DCC: variants seen among roughly 807,000 people sequenced by gnomAD.
DCC encodes the protein DCC netrin 1 receptor.
In DCC, 58 loss-of-function variants were observed where a neutral mutation model predicts 172.5. The observed-to-expected ratio is 0.34, with a 90% CI of 0.27 to 0.42. DCC has a LOEUF of 0.42. Ranked by LOEUF, DCC falls within the 10% of genes least tolerant of loss-of-function variation. The pLI is 1.00. For missense variants in DCC, 1,740 were observed against 1,791.0 expected, an observed-to-expected ratio of 0.97 and a Z score of 0.51; for synonymous variants, 709 against 644.5, an observed-to-expected ratio of 1.10 and a Z score of -1.52.
intron 27 of DCC, among the ~76,000 whole-genome samples, chr18:53,517,225 A>G (rs2046344960): frequency 6.8e-6 from 1 of 146,990 alleles, no homozygotes; most frequent in Non-Finnish European, 1.5e-5. Flanking sequence ...GCATATTCTC[A>G]CTCATAGGTG....
chr18:53,413,967 C>G (rs1361375042), intron 20 of DCC, among the ~76,000 whole-genome samples: 1 of 152,126 alleles, frequency 6.6e-6, no homozygotes. Context: ...GTATTCCTGT[C>G]CATAAGCTAC....
chr18:53,260,957 G>C (rs1016206718), intron 12 of DCC, among the ~76,000 whole-genome samples: 2 of 152,250 alleles, frequency 1.3e-5, no homozygotes, highest in African/African-American at 4.8e-5. Flanking sequence ...TCAGACTGCT[G>C]TGCTAGCAAT....
chr18:52,432,614 C>T (rs1987662359), intron 1 of DCC, among the ~76,000 whole-genome samples: 1 of 152,132 alleles, frequency 6.6e-6, no homozygotes, highest in Non-Finnish European at 1.5e-5. Flanking sequence ...CTCTCCTTTG[C>T]TTCATGTTGC....
Position 52,580,529 on chromosome 18 carries a change from A to G in DCC, c.92-171525A>G, listed in dbSNP as rs60030296. Among the ~76,000 whole-genome samples the G allele has an allele frequency of 9.5e-3, 1,441 of 152,308 alleles. 50 individuals are homozygous for G. Among genetic ancestry groups the G allele is most frequent in the East Asian group, 0.072 (371 of 5,182 alleles). Reference sequence around the variant, plus strand: ...AGTTTTACTCCCTGAATTAAGCCATAGCTGAAGCCATCTCTACTGCAGTAT... The same window carrying G: ...AGTTTTACTCCCTGAATTAAGCCATGGCTGAAGCCATCTCTACTGCAGTAT... On this transcript the variant is annotated intron_variant, in intron 1 of 28. Transcript: ENST00000442544.
rs748944929 is a variant in DCC, at chr18:53,435,150, A to C, written c.3170A>C (p.His1057Pro). Residue 1057 changes from histidine (H) to proline (P), a missense_variant, in exon 22 of 29, where the codon CAT becomes CCT. Physicochemically the swap from His to Pro is moderately conservative, Grantham distance 77. Transcript: ENST00000442544. ...PDKMANDQGR[H>P]GDGGYWPVDT... ...ATGCTCTCCCAATGAACAGGTCGTC[A>C]TGGAGATGGAGGTTATTGGCCAGTT... The C allele has an allele frequency of 6.2e-7, 1 of 1,610,564 alleles. No homozygotes were observed. Among genetic ancestry groups the C allele is most frequent in the South Asian group, 1.1e-5 (1 of 91,026 alleles).
intron 23 of DCC, among the ~76,000 whole-genome samples, chr18:53,457,446 T>A (rs2045497017): frequency 1.3e-5 from 2 of 152,222 alleles, no homozygotes; most frequent in African/African-American, 2.4e-5. Context: ...AATAAGGAGT[T>A]TGGCTATGTT....
chr18:52,547,571 C>A (rs766657134), intron 1 of DCC, among the ~76,000 whole-genome samples: 2 of 152,054 alleles, frequency 1.3e-5, no homozygotes, highest in Admixed American at 1.3e-4. Context: ...ACTCTATATA[C>A]CATGAGATGA....
At chr18:52,637,805 A>G (rs576766150) in intron 1 of DCC, among the ~76,000 whole-genome samples, 2 of 152,222 alleles carry the variant, frequency 1.3e-5, no homozygotes, top group Non-Finnish European at 2.9e-5. Context: ...TAAATACAAG[A>G]AGCACAAAGA....
At chr18:52,788,440 A>T (rs1379110370) in intron 2 of DCC, among the ~76,000 whole-genome samples, 1 of 152,184 alleles carries the variant, frequency 6.6e-6, no homozygotes, top group African/African-American at 2.4e-5. Flanking sequence ...TGCAGTATAC[A>T]ACCTTGGAAC....
chr18:52,545,797 CT>C (rs775451217), intron 1 of DCC, among the ~76,000 whole-genome samples: 9 of 152,204 alleles, frequency 5.9e-5, no homozygotes, highest in East Asian at 1.9e-4. Context: ...TGGCATGTGC[CT>C]TCTATAAGGG....
At chr18:52,690,033 T>C (rs760118988) in intron 1 of DCC, among the ~76,000 whole-genome samples, 1 of 152,114 alleles carries the variant, frequency 6.6e-6, no homozygotes, top group Non-Finnish European at 1.5e-5. Flanking sequence ...CAGCTGAAGT[T>C]GAGAAGAAGA....
chr18:53,510,336 TAGGG>T (rs2046235396), intron 27 of DCC, among the ~76,000 whole-genome samples: 1 of 152,172 alleles, frequency 6.6e-6, no homozygotes, highest in South Asian at 2.1e-4. Flanking sequence ...TTTCTGGTGG[TAGGG>T]AGGGTAAGTG....
intron 27 of DCC, among the ~76,000 whole-genome samples, chr18:53,510,547 T>C (rs917102856): frequency 1.3e-5 from 2 of 151,958 alleles, no homozygotes; most frequent in African/African-American, 4.8e-5. Flanking sequence ...TAAAGAGGAG[T>C]TGAGAGAAAG....
intron 1 of DCC, among the ~76,000 whole-genome samples, chr18:52,738,352 G>A (rs2036760621): frequency 6.6e-6 from 1 of 152,104 alleles, no homozygotes; most frequent in Non-Finnish European, 1.5e-5. Context: ...AAGCTGCATG[G>A]TGTAGCCTAT....
At chr18:53,305,542 T>G (rs1455015185) in intron 12 of DCC, 36 bp from the exon 13 acceptor site, 1 of 1,575,532 alleles carries the variant, frequency 6.3e-7, no homozygotes, top group African/African-American at 1.4e-5. Context: ...GTCCTTTCTT[T>G]CTTCAATGTT....
intron 1 of DCC, among the ~76,000 whole-genome samples, chr18:52,381,821 T>C (rs1985598621): frequency 6.6e-6 from 1 of 152,142 alleles, no homozygotes; most frequent in Non-Finnish European, 1.5e-5. Context: ...CCTACTCTCA[T>C]GGTATAAGAC....
At chr18:53,219,754 C>G (rs1191798879) in intron 12 of DCC, among the ~76,000 whole-genome samples, 1 of 152,150 alleles carries the variant, frequency 6.6e-6, no homozygotes, top group African/African-American at 2.4e-5. Context: ...TTCAGCACAA[C>G]TTGGCATGCT....
intron 12 of DCC, among the ~76,000 whole-genome samples, chr18:53,258,832 G>A (rs568650901): frequency 1.3e-5 from 2 of 151,468 alleles, no homozygotes; most frequent in South Asian, 4.2e-4. Context: ...TCCCATTATT[G>A]TATGGGAGTC....
At chr18:52,942,061 G>A (rs1049024728) in intron 5 of DCC, among the ~76,000 whole-genome samples, 1 of 152,206 alleles carries the variant, frequency 6.6e-6, no homozygotes, top group African/African-American at 2.4e-5. Flanking sequence ...GGGATTACAA[G>A]TGTGAGCCAC....
Sources: allele counts gnomAD v4.1 joint callset (sites outside exome capture counted in the v4.1 genomes callset), GRCh38; gene constraint gnomAD v4.1.1; transcripts MANE v1.5; gene names NCBI Gene and HGNC (gene_info 2026-07-23, HGNC 2026-07-21).